Variants in SHISA9 observed in about 807,000 individuals in gnomAD.
SHISA9 encodes the protein protein shisa-9.
Under a neutral mutation model 38.0 loss-of-function variants are expected in SHISA9, and 13 were observed. The observed-to-expected ratio is 0.34, with a 90% CI of 0.22 to 0.54. The LOEUF (loss-of-function observed/expected upper bound fraction) is 0.54. Among genes scored for constraint, SHISA9 ranks in the 20% least tolerant of loss-of-function variants. The pLI is 0.91. For missense variants in SHISA9, 538 were observed against 575.8 expected (o/e 0.93, Z 0.67); for synonymous variants, 275 against 242.0 (o/e 1.14, Z -1.27).
intron 2 of SHISA9, among the ~76,000 whole-genome samples, chr16:13,089,582 T>C (rs1250792043): frequency 6.6e-6 from 1 of 152,254 alleles, no homozygotes; most frequent in East Asian, 1.9e-4. Context: ...TTCTAGTTTA[T>C]TTGCATAGAG....
At chr16:13,362,050 C>G in the SHISA9 span, among the ~76,000 whole-genome samples, 1 of 151,988 alleles carries the variant, frequency 6.6e-6, no homozygotes, top group Admixed American at 6.6e-5. Context: ...TTCGTTTTCT[C>G]ACCTGCAAAA....
At chr16:13,133,544 A>T (rs1279586687) in intron 2 of SHISA9, among the ~76,000 whole-genome samples, 1 of 152,104 alleles carries the variant, frequency 6.6e-6, no homozygotes, top group East Asian at 1.9e-4. Flanking sequence ...CTCTGTCCCC[A>T]CATCTCAGGT....
intron 2 of SHISA9, among the ~76,000 whole-genome samples, chr16:13,023,063 A>G (rs917113928): frequency 1.3e-5 from 2 of 152,088 alleles, no homozygotes; most frequent in Non-Finnish European, 2.9e-5. Flanking sequence ...GTACATGTGC[A>G]CAATGTGCAG....
intron 4 of SHISA9, among the ~76,000 whole-genome samples, chr16:13,231,530 C>T (rs1456856755): frequency 1.3e-5 from 2 of 152,194 alleles, no homozygotes; most frequent in Non-Finnish European, 1.5e-5. Flanking sequence ...TAGCAGATTC[C>T]AAGATTCCTT....
chr16:13,224,038 A>G lies in SHISA9; in HGVS notation c.895+10738A>G, dbSNP rs549188176. Among the ~76,000 whole-genome samples the G allele has an allele frequency of 2.6e-5, 4 of 152,350 alleles. No individual in the cohort carries two copies. The South Asian group carries it at 8.3e-4, about 32-fold the overall frequency. Reference sequence around the variant, plus strand: ...GCCTCAGTTTCCCTACTTATAAAATAAAACCAATGGTAACACCTACCTCAT... The same window carrying G: ...GCCTCAGTTTCCCTACTTATAAAATGAAACCAATGGTAACACCTACCTCAT... On this transcript the variant is annotated intron_variant, in intron 4 of 4. Coordinates refer to ENST00000558583, the MANE Select transcript of SHISA9 (RefSeq NM_001145204.3).
At chr16:13,512,834 C>CAAAAT in the SHISA9 span, among the ~76,000 whole-genome samples, 1 of 152,178 alleles carries the variant, frequency 6.6e-6, no homozygotes, top group Admixed American at 6.5e-5. Flanking sequence ...GGACCCCATC[C>CAAAAT]TTATACCGTA....
At chr16:13,294,891 C>T in the SHISA9 span, among the ~76,000 whole-genome samples, 1 of 152,146 alleles carries the variant, frequency 6.6e-6, no homozygotes, top group African/African-American at 2.4e-5. Context: ...GAGTTAATAG[C>T]CAACATAGTG....
At chr16:13,155,759 T>C (rs1387830826) in intron 2 of SHISA9, among the ~76,000 whole-genome samples, 2 of 152,082 alleles carry the variant, frequency 1.3e-5, no homozygotes, top group African/African-American at 4.8e-5. Flanking sequence ...TTTGGTGAAG[T>C]CCATGATATT....
chr16:12,966,503 C>T (rs2071980613), intron 2 of SHISA9, among the ~76,000 whole-genome samples: 1 of 152,152 alleles, frequency 6.6e-6, no homozygotes, highest in African/African-American at 2.4e-5. Flanking sequence ...AATCTTCCTG[C>T]CTCAGCCTCC....
At chr16:13,428,022 A>G in the SHISA9 span, among the ~76,000 whole-genome samples, 1 of 152,220 alleles carries the variant, frequency 6.6e-6, no homozygotes, top group Non-Finnish European at 1.5e-5. Context: ...AGAACTACGA[A>G]AAATCTAAGC....
chr16:13,252,411 C>T, the SHISA9 span, among the ~76,000 whole-genome samples: 1 of 152,172 alleles, frequency 6.6e-6, no homozygotes, highest in Non-Finnish European at 1.5e-5. Context: ...TGCTAAATAT[C>T]CTACAAGGCA....
the SHISA9 span, among the ~76,000 whole-genome samples, chr16:13,471,221 A>T: frequency 1.3e-5 from 2 of 152,164 alleles, no homozygotes; most frequent in Admixed American, 1.3e-4. Context: ...TGGGGCTGAC[A>T]GTGCAGCATG....
chr16:12,932,876 G>A (rs1458919409), intron 2 of SHISA9, among the ~76,000 whole-genome samples: 1 of 152,206 alleles, frequency 6.6e-6, no homozygotes, highest in Non-Finnish European at 1.5e-5. Context: ...CATGAGTGCT[G>A]TGATTGATTA....
chr16:12,993,981 A>G (rs11862849), intron 2 of SHISA9, among the ~76,000 whole-genome samples: 3,356 of 152,192 alleles, frequency 0.022, 120 homozygotes, highest in African/African-American at 0.076. Flanking sequence ...AGAGGGGAAA[A>G]TGGAGAAAAT....
chr16:13,217,103 C>G (rs948336499), intron 4 of SHISA9, among the ~76,000 whole-genome samples: 2 of 143,680 alleles, frequency 1.4e-5, no homozygotes, highest in African/African-American at 5.3e-5. Flanking sequence ...AACCCCATCT[C>G]TACTAAAAAT....
chr16:13,549,187 A>G, the SHISA9 span, among the ~76,000 whole-genome samples: 7 of 152,220 alleles, frequency 4.6e-5, no homozygotes, highest in African/African-American at 1.4e-4. Flanking sequence ...AGTAGAAAGT[A>G]AAATAATTGT....
At chr16:13,437,653 C>T in the SHISA9 span, among the ~76,000 whole-genome samples, 1 of 152,110 alleles carries the variant, frequency 6.6e-6, no homozygotes, top group Non-Finnish European at 1.5e-5. Flanking sequence ...GCAATTCCCT[C>T]TGCTGTGAAC....
At chr16:13,088,311 T>C (rs1180318614) in intron 2 of SHISA9, among the ~76,000 whole-genome samples, 2 of 152,186 alleles carry the variant, frequency 1.3e-5, no homozygotes, top group African/African-American at 4.8e-5. Flanking sequence ...GCAGGCTCTT[T>C]TGTGGTTCCA....
chr16:13,246,875 G>A, the SHISA9 span, among the ~76,000 whole-genome samples: 15 of 151,642 alleles, frequency 9.9e-5, no homozygotes, highest in South Asian at 6.2e-4. Flanking sequence ...AATGTTATCC[G>A]TTGCCATCAT....
Sources: allele counts gnomAD v4.1 joint callset (sites outside exome capture counted in the v4.1 genomes callset), GRCh38; gene constraint gnomAD v4.1.1; transcripts MANE v1.5; gene names NCBI Gene and HGNC (gene_info 2026-07-23, HGNC 2026-07-21).